UNC5D: variants seen among roughly 807,000 people sequenced by gnomAD.
UNC5D encodes netrin receptor UNC5D.
UNC5D carries 39 observed loss-of-function variants against 105.4 expected under a neutral mutation model. That is an observed-to-expected ratio of 0.37 (90% confidence interval 0.29 to 0.48). The LOEUF is 0.48. Among genes scored for constraint, UNC5D ranks in the 20% least tolerant of loss-of-function variants. The pLI is 0.98. For missense variants in UNC5D, 991 were observed against 1,202.4 expected (o/e 0.82, Z 2.60); for synonymous variants, 452 against 450.4 (o/e 1.00, Z -0.04).
At chr8:35,755,236 C>G (rs1296189658) in intron 13 of UNC5D, among the ~76,000 whole-genome samples, 1 of 151,746 alleles carries the variant, frequency 6.6e-6, no homozygotes, top group Non-Finnish European at 1.5e-5. Flanking sequence ...GTTACCCTAT[C>G]TATCTTATCT....
At chr8:35,780,021 G>A (rs1197714808) in intron 16 of UNC5D, among the ~76,000 whole-genome samples, 3 of 152,158 alleles carry the variant, frequency 2.0e-5, no homozygotes, top group Non-Finnish European at 4.4e-5. Flanking sequence ...TTCATGAGAT[G>A]GGAAGAGATC....
chr8:35,642,474 C>A (rs2131138173), intron 4 of UNC5D, among the ~76,000 whole-genome samples: 1 of 151,886 alleles, frequency 6.6e-6, no homozygotes, highest in Non-Finnish European at 1.5e-5. Context: ...TCTCTCTTAC[C>A]CAAGTCTGAA....
intron 16 of UNC5D, among the ~76,000 whole-genome samples, chr8:35,789,173 A>ATATATATATATATATATATATATATG (rs1802907021): frequency 5.4e-5 from 5 of 92,078 alleles, no homozygotes; most frequent in African/African-American, 2.3e-4. Context: ...ATATATATAT[A>ATATATATATATATATATATATATATG]TATATATATA....
intron 4 of UNC5D, among the ~76,000 whole-genome samples, chr8:35,618,737 A>C (rs1469981576): frequency 6.6e-6 from 1 of 152,214 alleles, no homozygotes; most frequent in Admixed American, 6.5e-5. Context: ...TAACTTCCCC[A>C]AAGTTTGTCA....
At chr8:35,270,497 C>T (rs1320757784) in intron 1 of UNC5D, among the ~76,000 whole-genome samples, 5 of 152,160 alleles carry the variant, frequency 3.3e-5, no homozygotes, top group Non-Finnish European at 7.3e-5. Context: ...ACCCTAGTTA[C>T]CCAGCTTCTG....
At chr8:35,699,674 A>G (rs1827041323) in intron 7 of UNC5D, among the ~76,000 whole-genome samples, 1 of 152,136 alleles carries the variant, frequency 6.6e-6, no homozygotes, top group Non-Finnish European at 1.5e-5. Flanking sequence ...CTCAGATTGC[A>G]TTTTAAAAGG....
intron 14 of UNC5D, among the ~76,000 whole-genome samples, chr8:35,762,960 C>T (rs927252670): frequency 2.2e-4 from 33 of 152,250 alleles, no homozygotes; most frequent in African/African-American, 6.7e-4. Context: ...AAAACATTTC[C>T]GGAATTCTTT....
intron 16 of UNC5D, among the ~76,000 whole-genome samples, chr8:35,789,895 AACACACACACACACAC>A (rs56702865): frequency 1.1e-4 from 15 of 142,680 alleles, no homozygotes; most frequent in Non-Finnish European, 2.0e-4. Context: ...TCAAGAAGAA[AACACACACACACACAC>A]ACACACACAC....
chr8:35,297,138 A>G (rs1365741128), intron 1 of UNC5D, among the ~76,000 whole-genome samples: 1 of 152,114 alleles, frequency 6.6e-6, no homozygotes, highest in Non-Finnish European at 1.5e-5. Flanking sequence ...TAACGTGGTG[A>G]AGTGTGTTTA....
chr8:35,624,019 G>A (rs558120153), intron 4 of UNC5D, among the ~76,000 whole-genome samples: 23 of 152,290 alleles, frequency 1.5e-4, no homozygotes, highest in Non-Finnish European at 2.9e-4. Flanking sequence ...GGCGGAGCTT[G>A]CGGTGAGCCG....
chr8:35,408,852 T>C (rs1804976563), intron 1 of UNC5D, among the ~76,000 whole-genome samples: 1 of 152,056 alleles, frequency 6.6e-6, no homozygotes, highest in Non-Finnish European at 1.5e-5. Flanking sequence ...CTATGAATTT[T>C]GACAAATGCA....
rs183726172 is a variant in UNC5D, at chr8:35,679,917, G to T, written c.571-3630G>T. ...TGGTGAGAGCCTTCTTGCTGGTGGG[G>T]ACTCCCTGCAGAGTCCAGAGGTGGC... On this transcript the variant is annotated intron_variant, in intron 4 of 16. Transcript: ENST00000404895. Among the ~76,000 whole-genome samples, 8 of 152,248 alleles carry T rather than the reference G, an allele frequency of 5.3e-5. No individual in the cohort carries two copies. The East Asian group carries it at 1.5e-3, about 29-fold the overall frequency.
At chr8:35,424,796 G>T (rs1171872465) in intron 1 of UNC5D, among the ~76,000 whole-genome samples, 1 of 152,192 alleles carries the variant, frequency 6.6e-6, no homozygotes, top group East Asian at 1.9e-4. Context: ...TCCAATTCAA[G>T]CTGCTCTGCT....
At chr8:35,381,813 A>AC (rs1410174041) in intron 1 of UNC5D, among the ~76,000 whole-genome samples, 1 of 152,186 alleles carries the variant, frequency 6.6e-6, no homozygotes, top group African/African-American at 2.4e-5. Flanking sequence ...TGTGTTTTGC[A>AC]CACCTGCGTA....
intron 4 of UNC5D, among the ~76,000 whole-genome samples, chr8:35,623,402 T>C (rs747850314): frequency 5.9e-5 from 9 of 152,228 alleles, no homozygotes; most frequent in Non-Finnish European, 1.3e-4. Context: ...TTATTATTTT[T>C]TGTGATGACT....
intron 1 of UNC5D, among the ~76,000 whole-genome samples, chr8:35,527,926 G>A (rs529114322): frequency 3.3e-5 from 5 of 151,858 alleles, no homozygotes; most frequent in Admixed American, 2.0e-4. Flanking sequence ...TAACAGCAGC[G>A]AATTGAGCAT....
chr8:35,745,717 GA>G (rs1477551276), intron 11 of UNC5D, among the ~76,000 whole-genome samples: 4 of 152,266 alleles, frequency 2.6e-5, no homozygotes, highest in Non-Finnish European at 5.9e-5. Context: ...AGAGAACAAT[GA>G]AAAACATTAA....
chr8:35,687,981 A>G (rs1394864710), intron 7 of UNC5D, among the ~76,000 whole-genome samples: 1 of 151,948 alleles, frequency 6.6e-6, no homozygotes, highest in Non-Finnish European at 1.5e-5. Context: ...ATACAAAAAA[A>G]ATTAGCTGGG....
At chr8:35,584,168 G>A (rs1330296040) in intron 3 of UNC5D, among the ~76,000 whole-genome samples, 2 of 152,166 alleles carry the variant, frequency 1.3e-5, no homozygotes, top group East Asian at 3.9e-4. Context: ...TCAGCAGTTG[G>A]TAGTGACAAT....
Sources: allele counts gnomAD v4.1 joint callset (sites outside exome capture counted in the v4.1 genomes callset), GRCh38; gene constraint gnomAD v4.1.1; transcripts MANE v1.5; gene names NCBI Gene and HGNC (gene_info 2026-07-23, HGNC 2026-07-21).